Variants in PDXDC1 observed in about 807,000 individuals in gnomAD.
The protein encoded by PDXDC1 is pyridoxal dependent decarboxylase domain containing 1, also known as pyridoxal-dependent decarboxylase domain-containing protein 1.
Under a neutral mutation model 100.1 loss-of-function variants are expected in PDXDC1, and 42 were observed. The observed-to-expected ratio is 0.42, with a 90% CI of 0.33 to 0.54. The LOEUF (loss-of-function observed/expected upper bound fraction) is 0.54. Among genes scored for constraint, PDXDC1 ranks in the 20% least tolerant of loss-of-function variants. The pLI, the probability that PDXDC1 is intolerant of heterozygous loss-of-function variation, is 0.10. For synonymous variants in PDXDC1, 260 were observed against 371.7 expected (o/e 0.70, Z 3.46); for missense variants, 636 against 979.2 (o/e 0.65, Z 4.68).
chr16:15,137,311 C>G (rs1392729318), intron 16 of PDXDC1: 1 of 1,197,378 alleles, frequency 8.4e-7, no homozygotes, highest in South Asian at 1.3e-5. Context: ...GGGCAGGAGG[C>G]GGCGGGGGGC....
At chr16:15,033,669 C>G (rs2043209936) in intron 19 of PDXDC1, among the ~76,000 whole-genome samples, 1 of 152,200 alleles carries the variant, frequency 6.6e-6, no homozygotes, top group South Asian at 2.1e-4. Flanking sequence ...GGGCGGGTAG[C>G]TGGACACTCA....
chr16:15,089,027 G>A (rs947769535), intron 16 of PDXDC1, among the ~76,000 whole-genome samples: 1 of 152,204 alleles, frequency 6.6e-6, no homozygotes, highest in Non-Finnish European at 1.5e-5. Context: ...TCTAGGCCGG[G>A]TGGAGTGGCT....
intron 16 of PDXDC1, among the ~76,000 whole-genome samples, chr16:15,124,029 AG>A (rs1156424150): frequency 6.6e-6 from 1 of 152,070 alleles, no homozygotes; most frequent in Non-Finnish European, 1.5e-5. Context: ...AACCCAAATG[AG>A]GGGGAGAAAA....
chr16:15,023,318 G>C (rs896967958), intron 13 of PDXDC1, among the ~76,000 whole-genome samples: 1 of 152,290 alleles, frequency 6.6e-6, no homozygotes, highest in African/African-American at 2.4e-5. Flanking sequence ...AGGTTTGAAA[G>C]TTTTTGTGTT....
In PDXDC1 at chr16:15,135,741, C is replaced by A. The variant is rs553209093; in HGVS notation, c.1400-3138C>A. 460 of 1,596,662 alleles carry A rather than the reference C, an allele frequency of 2.9e-4. 1 individual carries two copies. In the African/African-American group the frequency reaches 5.7e-3, roughly 20 times the overall value. On this transcript the variant is annotated intron_variant, in intron 16 of 16. Transcript: ENST00000535621. ...TCGTAGGACTCGCTCCCATCCAGCA[C>A]CAGGTCCTGTGTGTCTGACCACACG...
chr16:15,063,211 C>G, intron 16 of PDXDC1: 1 of 1,611,202 alleles, frequency 6.2e-7, no homozygotes, highest in South Asian at 1.1e-5. Context: ...TCATGGGTTT[C>G]TTGAACTCCT....
intron 16 of PDXDC1, among the ~76,000 whole-genome samples, chr16:15,049,379 T>C (rs1269600837): frequency 6.6e-6 from 1 of 152,148 alleles, no homozygotes; most frequent in Admixed American, 6.5e-5. Context: ...TCTGGAAATC[T>C]GTCCTAAGGA....
intron 16 of PDXDC1, chr16:15,134,057 C>A: frequency 6.4e-7 from 1 of 1,572,702 alleles, no homozygotes; most frequent in Admixed American, 1.7e-5. Context: ...TGTTGCTGAA[C>A]GTACGTGCAG....
At chr16:15,018,102 T>TC (rs1233484866) in intron 11 of PDXDC1, among the ~76,000 whole-genome samples, 5 of 151,948 alleles carry the variant, frequency 3.3e-5, no homozygotes, top group Non-Finnish European at 7.4e-5. Flanking sequence ...TTTTTTTTTT[T>TC]TTTAATCGTA....
chr16:15,019,320 G>A (rs138278555), intron 12 of PDXDC1, among the ~76,000 whole-genome samples: 5 of 152,410 alleles, frequency 3.3e-5, no homozygotes, highest in Admixed American at 2.6e-4. Context: ...TGAGGGAATA[G>A]GAAGGTTACA....
At chr16:15,127,769 C>T (rs1312723290) in intron 16 of PDXDC1, 17 of 1,551,050 alleles carry the variant, frequency 1.1e-5, no homozygotes, top group Non-Finnish European at 1.4e-5. Flanking sequence ...CAGCAGGTGG[C>T]CCTCTGGATG....
chr16:15,032,035 C>G (rs753226447), intron 17 of PDXDC1, 129 bp downstream of exon 17: 2 of 831,126 alleles, frequency 2.4e-6, no homozygotes, highest in South Asian at 1.8e-5. Context: ...GAAAATGCAA[C>G]TCGGTTTTCT....
intron 1 of PDXDC1, among the ~76,000 whole-genome samples, chr16:14,977,220 G>A (rs1241695284): frequency 6.6e-6 from 1 of 151,036 alleles, no homozygotes; most frequent in Non-Finnish European, 1.5e-5. Context: ...TTCTGCCTTA[G>A]GTCAATGTGA....
At chr16:15,148,370 A>ATTTT in the PDXDC1 span, among the ~76,000 whole-genome samples, 762 of 34,134 alleles carry the variant, frequency 0.022, 127 homozygotes, top group Non-Finnish European at 0.03. Context: ...AGATCCTGTG[A>ATTTT]TTTTTTTTTT....
At chr16:15,086,556 G>A (rs1432922577) in intron 16 of PDXDC1, 10 of 1,523,174 alleles carry the variant, frequency 6.6e-6, no homozygotes, top group Non-Finnish European at 8.0e-6. Flanking sequence ...AGGTTGGGGG[G>A]AAAAGGTCAC....
intron 1 of PDXDC1, among the ~76,000 whole-genome samples, chr16:14,993,161 C>G (rs1314934375): frequency 1.3e-5 from 2 of 152,120 alleles, no homozygotes; most frequent in African/African-American, 4.8e-5. Context: ...TAAAATTATA[C>G]TTTAATTTTT....
downstream of PDXDC1, chr16:15,040,986 G>C: frequency 1.1e-6 from 1 of 932,982 alleles, no homozygotes; most frequent in Non-Finnish European, 1.8e-6. Flanking sequence ...CCTGACAGCA[G>C]TGGGGTCATT....
At chr16:15,034,920 T>C (rs1303905948) in intron 21 of PDXDC1, among the ~76,000 whole-genome samples, 1 of 152,158 alleles carries the variant, frequency 6.6e-6, no homozygotes, top group Non-Finnish European at 1.5e-5. Flanking sequence ...CTTTTGCAAG[T>C]GGCAATGCAG....
At chr16:15,128,206 C>G in intron 16 of PDXDC1, 2 of 1,611,010 alleles carry the variant, frequency 1.2e-6, no homozygotes, top group East Asian at 2.2e-5. Flanking sequence ...CAGAGCTTGG[C>G]AGGGTCCGCA....
Sources: gnomAD v4.1 joint callset for allele counts (sites outside exome capture counted in the v4.1 genomes callset) on GRCh38, gnomAD v4.1.1 for gene constraint, MANE v1.5 for transcripts, NCBI Gene and HGNC (gene_info 2026-07-23, HGNC 2026-07-21) for gene names.